The following AKAP12 variants were observed in gnomAD, a reference collection of about 807,000 sequenced individuals.
AKAP12 encodes A-kinase anchor protein 12.
In AKAP12, 32 loss-of-function variants were observed where a neutral mutation model predicts 79.9. That is an observed-to-expected ratio of 0.40 (90% CI 0.30 to 0.54). AKAP12 has a LOEUF of 0.54. Ranked by LOEUF, AKAP12 falls within the 20% of genes least tolerant of loss-of-function variation. The pLI is 0.48. For synonymous variants in AKAP12, 808 were observed against 857.0 expected (o/e 0.94, Z 1.00); for missense variants, 2,074 against 2,177.0 (o/e 0.95, Z 0.94).
At chr6:151,300,907 T>A (rs1562727935) in intron 2 of AKAP12, among the ~76,000 whole-genome samples, 1 of 152,168 alleles carries the variant, frequency 6.6e-6, no homozygotes, top group Non-Finnish European at 1.5e-5. Flanking sequence ...CTTACCATGT[T>A]TAAGTGTAAG....
intron 3 of AKAP12, chr6:151,325,695 C>G (rs1161348418): frequency 4.1e-6 from 6 of 1,452,050 alleles, no homozygotes; most frequent in African/African-American, 1.4e-5. Flanking sequence ...TGCGGCAGCT[C>G]CGAGGGCACC....
rs1778230377 is a variant in AKAP12 at position 151,349,941 on chromosome 6, A to G, written c.1550A>G (p.Lys517Arg). The change falls in exon 4 of 5, where the codon AAG becomes AGG. Residue 517 changes from lysine (K) to arginine (R), a missense_variant. Lys to Arg is a conservative substitution (Grantham distance 26). Transcript: ENST00000402676. ...ATGAAGGTGCAGGGAAGTCCACTAA[A>G]GAAGCTTTTTACCAGCACTGGCTTA... is the stretch of plus-strand genomic sequence containing the variant. ...ERMKVQGSPL[K>R]KLFTSTGLKK... The G allele has an allele frequency of 1.2e-5, 20 of 1,614,086 alleles. No homozygotes were observed. The highest frequency in any genetic ancestry group is 1.6e-5 in the Non-Finnish European group (19 of 1,180,042).
chr6:151,348,783 T>A lies in AKAP12; in HGVS notation c.392T>A (p.Val131Asp), dbSNP rs766103919. ...GAGATGGCTACTAAGTCAGCGGTTG[T>A]TCACGACATCACAGATGATGGGCAG... ...DKEMATKSAV[V>D]HDITDDGQEE... is the part of the protein sequence containing the mutation. Residue 131 changes from valine to aspartate, a missense_variant, in exon 4 of 5, where the codon GTT (valine) becomes GAT (aspartate). By Grantham distance (152) the Val-to-Asp change is radical (BLOSUM62 -3). This residue lies in a region of AKAP12 where 1,428 missense variants were observed against 1,451.0 expected (regional missense o/e 0.98). Coordinates refer to ENST00000402676, the MANE Select transcript of AKAP12 (RefSeq NM_005100.4). The A allele has an allele frequency of 6.3e-7, 1 of 1,584,738 alleles. No homozygotes were observed. The highest frequency in any genetic ancestry group is 2.3e-5 in the East Asian group (1 of 42,828).
At chr6:151,346,481 T>C (rs540209495) in intron 3 of AKAP12, among the ~76,000 whole-genome samples, 8 of 152,368 alleles carry the variant, frequency 5.3e-5, no homozygotes, top group African/African-American at 1.9e-4. Flanking sequence ...TTTTGCAGAA[T>C]GCCCTTCGCT....
intron 2 of AKAP12, among the ~76,000 whole-genome samples, chr6:151,297,923 A>C (rs903919628): frequency 6.6e-6 from 1 of 152,210 alleles, no homozygotes; most frequent in African/African-American, 2.4e-5. Flanking sequence ...AAATGGACCA[A>C]GTCTCATAAA....
chr6:151,323,186 T>C (rs1047281339), intron 3 of AKAP12, among the ~76,000 whole-genome samples: 5 of 152,308 alleles, frequency 3.3e-5, no homozygotes, highest in Non-Finnish European at 4.4e-5. Flanking sequence ...AGGAGACCCA[T>C]TGGCTGAGAG....
intron 2 of AKAP12, among the ~76,000 whole-genome samples, chr6:151,261,208 C>T (rs572591427): frequency 2.6e-5 from 4 of 151,802 alleles, no homozygotes; most frequent in African/African-American, 7.2e-5. Flanking sequence ...GTTAACATGG[C>T]GAAACCCCAT....
rs116628347 is a variant in AKAP12 at position 151,306,271 on chromosome 6, G to A, written c.319+368G>A. On this transcript the variant is annotated intron_variant, in intron 3 of 4. Coordinates refer to ENST00000402676, the MANE Select transcript of AKAP12 (RefSeq NM_005100.4). Reference sequence around the variant, plus strand: ...ACTTGTACAACTCTTTCTGATAGGCGCATTGCAAGGCACGTACCCCTCTTT... The same window carrying A: ...ACTTGTACAACTCTTTCTGATAGGCACATTGCAAGGCACGTACCCCTCTTT... Among the ~76,000 whole-genome samples the A allele has an allele frequency of 2.5e-3, 385 of 152,286 alleles. 4 individuals are homozygous for A. Among genetic ancestry groups the A allele is most frequent in the African/African-American group, 8.6e-3 (359 of 41,550 alleles).
In AKAP12 at chr6:151,350,786, G is replaced by T. The variant is rs149082186; in HGVS notation, c.2395G>T (p.Gly799Cys). The T allele has an allele frequency of 2.1e-5, 34 of 1,613,854 alleles. No homozygotes were observed. Among genetic ancestry groups the T allele is most frequent in the African/African-American group, 4.0e-5 (3 of 74,884 alleles). ...VEHSTPDTEP[G>C]KEESWVSIKK... ...ACATTCCACTCCAGACACTGAACCC[G>T]GTAAAGAAGAATCCTGGGTCTCAAT... The change falls in exon 4 of 5, where the codon GGT becomes TGT. Residue 799 changes from glycine to cysteine, a missense_variant. This residue lies in a region of AKAP12 where 1,428 missense variants were observed against 1,451.0 expected (regional missense o/e 0.98). Coordinates refer to ENST00000402676, the MANE Select transcript of AKAP12 (RefSeq NM_005100.4). This position sits in a 1 kb window ranked among gnomAD's most constrained non-coding sequence, Gnocchi z 4.8.
chr6:151,269,663 A>G (rs904300789), intron 2 of AKAP12, among the ~76,000 whole-genome samples: 4 of 152,218 alleles, frequency 2.6e-5, no homozygotes, highest in African/African-American at 9.6e-5. Flanking sequence ...TTCCTCTGAG[A>G]TATTTTCCTA....
chr6:151,271,037 T>C lies in AKAP12; in HGVS notation c.162+30313T>C, dbSNP rs540851156. Among the ~76,000 whole-genome samples the C allele has an allele frequency of 2.6e-4, 39 of 152,262 alleles. 1 individual carries two copies. The South Asian group carries it at 7.1e-3, about 28-fold the overall frequency. On this transcript the variant is annotated intron_variant, in intron 2 of 4. Transcript: ENST00000402676. ...GGAGTTAGTTGCTAAAATAATAAAATGTCTCCATGGTAGGGAGGGGTGATG... is the reference window on the plus strand; with the variant it reads ...GGAGTTAGTTGCTAAAATAATAAAACGTCTCCATGGTAGGGAGGGGTGATG...
At position 151,259,337 on chromosome 6, in the gene AKAP12, C is replaced by T. The variant is rs983825344; in HGVS notation, c.162+18613C>T. 1.3e-4 allele frequency among the ~76,000 whole-genome samples: 19 copies of T among 151,376 alleles called. 1 individual carries two copies. The highest frequency in any genetic ancestry group is 1.1e-3 in the Admixed American group (17 of 15,120). On this transcript the variant is annotated intron_variant, in intron 2 of 4. Transcript: ENST00000402676. Reference sequence around the variant, plus strand: ...CTGGGATTACAGGTGTGAGCCACGGCGCCCGGCCTATATTTTTTAAAATAA... The same window carrying T: ...CTGGGATTACAGGTGTGAGCCACGGTGCCCGGCCTATATTTTTTAAAATAA...
rs1270635986 is a variant in AKAP12, at chr6:151,353,424, A to G, written c.5033A>G (p.Asp1678Gly). Residue 1678 changes from aspartate (D) to glycine (G), a missense_variant, in exon 4 of 5, where the codon GAT becomes GGT. Transcript: ENST00000402676. ...GGAGTKSVPE[D>G]DGHALLAERI... ...GCTGGAACAAAGTCTGTGCCAGAAG[A>G]TGATGGTCATGCCTTGTTAGCAGAA... 6.2e-7 allele frequency: 1 copy of G among 1,614,210 alleles called. No homozygotes were observed. Among genetic ancestry groups the G allele is most frequent in the South Asian group, 1.1e-5 (1 of 91,080 alleles).
In AKAP12 at chr6:151,338,721, G is replaced by T. The variant is rs544083550; in HGVS notation, c.320-9990G>T. Among the ~76,000 whole-genome samples the T allele has an allele frequency of 9.8e-5, 15 of 152,286 alleles. No individual in the cohort carries two copies. The East Asian group carries it at 2.9e-3, about 29-fold the overall frequency. On this transcript the variant is annotated intron_variant, in intron 3 of 4. Transcript: ENST00000402676. The stretch of plus-strand genomic sequence containing the variant: ...CTACCTTGCACTCCCAAAGTGCTGG[G>T]ATTACAGGCGTGAGCCGCTGCACCC...
chr6:151,350,374 G>A lies in AKAP12; in HGVS notation c.1983G>A (p.Val661=). The A allele has an allele frequency of 3.1e-6, 5 of 1,613,762 alleles. No homozygotes were observed. Among genetic ancestry groups the A allele is most frequent in the East Asian group, 4.5e-5 (2 of 44,868 alleles). Residue 661 remains valine (V), a synonymous_variant, in exon 4 of 5, where the codon GTG becomes GTA. Transcript: ENST00000402676. The surrounding 1 kb of genome is among the most constrained non-coding windows in gnomAD (Gnocchi z 4.8). ...SEMQEEMKGS[V]EEPKPEEPKR... The stretch of plus-strand genomic sequence containing the variant: ...TGCAAGAAGAAATGAAAGGGAGCGT[G>A]GAAGAGCCAAAGCCGGAAGAACCAA...
At chr6:151,354,311 G>A (rs1778384863) in intron 4 of AKAP12, among the ~76,000 whole-genome samples, 1 of 134,750 alleles carries the variant, frequency 7.4e-6, no homozygotes, top group Non-Finnish European at 1.5e-5. Context: ...TATAATGACC[G>A]ACCCTCACTG....
chr6:151,332,647 A>G (rs1191804551), intron 3 of AKAP12, among the ~76,000 whole-genome samples: 2 of 152,188 alleles, frequency 1.3e-5, no homozygotes, highest in Non-Finnish European at 2.9e-5. Flanking sequence ...ACACATGGGT[A>G]TGTGGCCTGT....
At chr6:151,278,200 T>G (rs1350580464) in intron 2 of AKAP12, among the ~76,000 whole-genome samples, 1 of 129,488 alleles carries the variant, frequency 7.7e-6, no homozygotes, top group Non-Finnish European at 1.7e-5. Context: ...GTGTTTTTTT[T>G]GGTTTTTTGT....
At chr6:151,241,972 A>G (rs994743117) in intron 2 of AKAP12, among the ~76,000 whole-genome samples, 2 of 152,132 alleles carry the variant, frequency 1.3e-5, no homozygotes, top group Non-Finnish European at 2.9e-5. Flanking sequence ...TGTAAAATCC[A>G]TGGTCCCTAG....
Sources: gnomAD v4.1 joint callset for allele counts (sites outside exome capture counted in the v4.1 genomes callset) on GRCh38, gnomAD v4.1.1 for gene constraint, gnomAD v4.1.1 regional missense constraint, Gnocchi (gnomAD v3.1) non-coding constraint, MANE v1.5 for transcripts, NCBI Gene and HGNC (gene_info 2026-07-23, HGNC 2026-07-21) for gene names.